The following SLC9A9 variants were observed in gnomAD, a reference collection of about 807,000 sequenced individuals.
The protein encoded by SLC9A9 is solute carrier family 9 member A9.
Under a neutral mutation model 77.8 loss-of-function variants are expected in SLC9A9, and 62 were observed. That is an observed-to-expected ratio of 0.80 (90% CI 0.65 to 0.98). The LOEUF is 0.98. SLC9A9 is among the 50% of genes least tolerant of loss of function. The pLI is 0.00. For synonymous variants in SLC9A9, 320 were observed against 283.5 expected (o/e 1.13, Z -1.29); for missense variants, 775 against 774.9 (o/e 1.00, Z 0.00).
intron 6 of SLC9A9, among the ~76,000 whole-genome samples, chr3:143,587,887 G>C (rs1559981844): frequency 6.6e-6 from 1 of 152,218 alleles, no homozygotes; most frequent in Non-Finnish European, 1.5e-5. Context: ...AAAAGATTGA[G>C]AGAAGTATGG....
chr3:143,738,885 C>G (rs1935007102), intron 4 of SLC9A9, among the ~76,000 whole-genome samples: 1 of 152,206 alleles, frequency 6.6e-6, no homozygotes, highest in African/African-American at 2.4e-5. Context: ...TGCAGGTATG[C>G]AGCTTTCATA....
intron 14 of SLC9A9, among the ~76,000 whole-genome samples, chr3:143,357,475 T>C (rs142698210): frequency 1.3e-5 from 2 of 152,214 alleles, no homozygotes; most frequent in African/African-American, 4.8e-5. Context: ...CTACTGAAAG[T>C]AAAACATACC....
At chr3:143,459,907 C>A (rs1284185967) in intron 12 of SLC9A9, among the ~76,000 whole-genome samples, 1 of 152,038 alleles carries the variant, frequency 6.6e-6, no homozygotes, top group African/African-American at 2.4e-5. Context: ...ATCTTAGGAC[C>A]AAAGTTCCTC....
intron 5 of SLC9A9, among the ~76,000 whole-genome samples, chr3:143,685,648 C>A (rs1933240800): frequency 6.6e-6 from 1 of 152,084 alleles, no homozygotes. Context: ...GAGTGGCTTC[C>A]TGAAGACCTT....
intron 14 of SLC9A9, among the ~76,000 whole-genome samples, chr3:143,293,340 A>C (rs1366248535): frequency 6.6e-6 from 1 of 152,206 alleles, no homozygotes; most frequent in Non-Finnish European, 1.5e-5. Flanking sequence ...TCTTTATTTT[A>C]GTATTATATG....
chr3:143,496,182 G>A (rs1305816594), intron 9 of SLC9A9, among the ~76,000 whole-genome samples: 1 of 152,200 alleles, frequency 6.6e-6, no homozygotes, highest in Non-Finnish European at 1.5e-5. Flanking sequence ...GATGAGGGAT[G>A]TTCCCAAGAG....
At chr3:143,445,240 T>G (rs1360381899) in intron 12 of SLC9A9, among the ~76,000 whole-genome samples, 1 of 152,218 alleles carries the variant, frequency 6.6e-6, no homozygotes, top group Non-Finnish European at 1.5e-5. Flanking sequence ...TTCTTAGATG[T>G]GAGTCAGACA....
At chr3:143,337,719 C>T (rs1576433271) in intron 14 of SLC9A9, among the ~76,000 whole-genome samples, 1 of 152,230 alleles carries the variant, frequency 6.6e-6, no homozygotes, top group African/African-American at 2.4e-5. Flanking sequence ...TTGGAAACCA[C>T]CACTTTAGAA....
In SLC9A9 at chr3:143,266,201, A is replaced by G. The variant is rs752189973; in HGVS notation, c.*501T>C. 1 of 667,532 alleles carries G rather than the reference A, an allele frequency of 1.5e-6. No homozygotes were observed. Among genetic ancestry groups the G allele is most frequent in the African/African-American group, 1.8e-5 (1 of 55,662 alleles). The allele number at this position is 667,532 out of a possible 1,614,324, so 41.4% of individuals were successfully genotyped here. On this transcript the variant is annotated 3_prime_UTR_variant, in exon 16 of 16. Coordinates refer to ENST00000316549, the MANE Select transcript of SLC9A9 (RefSeq NM_173653.4). Reference sequence around the variant, plus strand: ...TCTGGGCTCTGCCCTGGGGTCACTGAGAGCAAATGGGAGTCAAGTCCTCAA... The same window carrying G: ...TCTGGGCTCTGCCCTGGGGTCACTGGGAGCAAATGGGAGTCAAGTCCTCAA...
chr3:143,662,343 T>C (rs548859629), intron 5 of SLC9A9, among the ~76,000 whole-genome samples: 1 of 152,364 alleles, frequency 6.6e-6, no homozygotes, highest in Non-Finnish European at 1.5e-5. Context: ...CGTTTCAAGA[T>C]GGCCGAATAG....
At chr3:143,690,995 G>T (rs184804733) in intron 5 of SLC9A9, among the ~76,000 whole-genome samples, 1 of 152,018 alleles carries the variant, frequency 6.6e-6, no homozygotes, top group African/African-American at 2.4e-5. Context: ...TGGATAAAAT[G>T]GGCAACTCTA....
chr3:143,625,812 A>C (rs1025947433), intron 6 of SLC9A9, among the ~76,000 whole-genome samples: 4 of 152,220 alleles, frequency 2.6e-5, no homozygotes, highest in African/African-American at 9.6e-5. Context: ...AGAAACTACC[A>C]TCAGAGTGAA....
At chr3:143,527,661 G>A (rs187966115) in intron 9 of SLC9A9, among the ~76,000 whole-genome samples, 5 of 152,230 alleles carry the variant, frequency 3.3e-5, no homozygotes, top group Admixed American at 2.6e-4. Context: ...CCTGTCTACC[G>A]AAGGAAAGCC....
intron 6 of SLC9A9, among the ~76,000 whole-genome samples, chr3:143,588,383 A>T (rs895179957): frequency 1.3e-5 from 2 of 152,232 alleles, no homozygotes; most frequent in African/African-American, 4.8e-5. Context: ...CAGTACTTCA[A>T]TAGAGGATGC....
Position 143,266,372 on chromosome 3 carries a change from C to T in SLC9A9, c.*330G>A, listed in dbSNP as rs1010307349. 2 of 550,022 alleles carry T rather than the reference C, an allele frequency of 3.6e-6. No individual in the cohort carries two copies. The highest frequency in any genetic ancestry group is 3.2e-5 in the Admixed American group (1 of 31,642). The allele number at this position is 550,022 out of a possible 1,614,324, so 34.1% of individuals were successfully genotyped here. On this transcript the variant is annotated 3_prime_UTR_variant, in exon 16 of 16. Transcript: ENST00000316549. ...GAATAGAAGTGAAGGGCCTGGAGAGCCGCATTCGCAGCAGAAATGCCCTGA... is the reference window on the plus strand; with the variant it reads ...GAATAGAAGTGAAGGGCCTGGAGAGTCGCATTCGCAGCAGAAATGCCCTGA...
chr3:143,347,129 C>T (rs1350431231), intron 14 of SLC9A9: 1 of 152,048 alleles, frequency 6.6e-6, no homozygotes, highest in Non-Finnish European at 1.5e-5. Flanking sequence ...GGCTACAACT[C>T]CAAAATATAC....
chr3:143,548,394 T>G (rs901805204), intron 9 of SLC9A9, among the ~76,000 whole-genome samples: 1 of 152,102 alleles, frequency 6.6e-6, no homozygotes, highest in African/African-American at 2.4e-5. Context: ...GTCTTCTGGA[T>G]GGCCCTGGGT....
intron 4 of SLC9A9, among the ~76,000 whole-genome samples, chr3:143,699,087 C>A (rs1933722937): frequency 6.6e-6 from 1 of 152,030 alleles, no homozygotes; most frequent in Admixed American, 6.6e-5. Flanking sequence ...AAGGGCAATC[C>A]CTCTCAGAAC....
intron 12 of SLC9A9, among the ~76,000 whole-genome samples, chr3:143,385,196 GAC>G (rs2033396161): frequency 6.6e-6 from 1 of 151,056 alleles, no homozygotes; most frequent in South Asian, 2.1e-4. Flanking sequence ...TATTTTTCCT[GAC>G]TGTAACAATA....
Sources: gnomAD v4.1 joint callset for allele counts (sites outside exome capture counted in the v4.1 genomes callset) on GRCh38, gnomAD v4.1.1 for gene constraint, MANE v1.5 for transcripts, NCBI Gene and HGNC (gene_info 2026-07-23, HGNC 2026-07-21) for gene names.